The following CDKAL1 variants were observed in gnomAD, a reference collection of about 807,000 sequenced individuals.
CDKAL1 encodes the protein threonylcarbamoyladenosine tRNA methylthiotransferase.
CDKAL1 carries 32 observed loss-of-function variants against 68.2 expected under a neutral mutation model. The ratio of observed to expected loss-of-function variants is 0.47; its 90% CI spans 0.35 to 0.63. The LOEUF is 0.63. CDKAL1 is among the 30% of genes least tolerant of loss of function. The probability of loss-of-function intolerance (pLI) is 0.00; values close to 1 mark genes in which losing one functional copy is unlikely to be tolerated. For missense variants in CDKAL1, 606 were observed against 696.7 expected (o/e 0.87, Z 1.47); for synonymous variants, 234 against 244.3 (o/e 0.96, Z 0.39).
chr6:20,933,213 T>A (rs1344317115), intron 9 of CDKAL1, among the ~76,000 whole-genome samples: 2 of 152,232 alleles, frequency 1.3e-5, no homozygotes, highest in African/African-American at 4.8e-5. Flanking sequence ...CTTTCTGAAT[T>A]TAAGTATTTA....
chr6:21,156,686 G>T (rs1776663260), intron 13 of CDKAL1, among the ~76,000 whole-genome samples: 1 of 152,092 alleles, frequency 6.6e-6, no homozygotes, highest in South Asian at 2.1e-4. Context: ...AAGAACGATG[G>T]ATGTAAGGAA....
In CDKAL1 at chr6:21,034,795, AC is replaced by A. The variant is rs1002600024; in HGVS notation, c.1056-30252del. Among the ~76,000 whole-genome samples, 4 of 152,202 alleles carry A rather than the reference AC, an allele frequency of 2.6e-5. No homozygotes were observed. In the East Asian group the frequency reaches 7.7e-4, roughly 29 times the overall value. On this transcript the variant is annotated intron_variant, in intron 11 of 15. Coordinates refer to ENST00000274695, the MANE Select transcript of CDKAL1 (RefSeq NM_017774.3). Reference sequence around the variant, plus strand: ...TCAGCAAATTATTTTTGTTGCTGTTACATTTTTTAAAAATCTTGCTTTGACT... The same window carrying A: ...TCAGCAAATTATTTTTGTTGCTGTTAATTTTTTAAAAATCTTGCTTTGACT...
At chr6:20,680,415 T>G (rs1456551524) in intron 5 of CDKAL1, among the ~76,000 whole-genome samples, 1 of 152,228 alleles carries the variant, frequency 6.6e-6, no homozygotes, top group Non-Finnish European at 1.5e-5. Context: ...TTTATGTAGG[T>G]GTTTTTAAAC....
intron 9 of CDKAL1, among the ~76,000 whole-genome samples, chr6:20,890,397 AACACTGT>A (rs1761332078): frequency 6.6e-6 from 1 of 152,234 alleles, no homozygotes. Flanking sequence ...CCCGGATTGG[AACACTGT>A]ACACATTCAT....
intron 10 of CDKAL1, among the ~76,000 whole-genome samples, chr6:20,975,474 CATATGCTTCATGT>C (rs1415893371): frequency 2.6e-5 from 4 of 152,124 alleles, no homozygotes; most frequent in Non-Finnish European, 4.4e-5. Context: ...ATACATAGTA[CATATGCTTCATGT>C]ATATGCTTAT....
At chr6:21,217,023 C>T (rs920280662) in intron 15 of CDKAL1, among the ~76,000 whole-genome samples, 1 of 148,926 alleles carries the variant, frequency 6.7e-6, no homozygotes, top group Non-Finnish European at 1.5e-5. Context: ...GGATCCTCCA[C>T]ATTCTCACCC....
intron 13 of CDKAL1, among the ~76,000 whole-genome samples, chr6:21,175,363 A>C (rs1777537141): frequency 6.6e-6 from 1 of 152,158 alleles, no homozygotes; most frequent in Non-Finnish European, 1.5e-5. Context: ...TTAGAATTAC[A>C]AGTCTATTCA....
At position 20,660,883 on chromosome 6, in the gene CDKAL1, A is replaced by C. The variant is rs373706321; in HGVS notation, c.371+11506A>C. 1.6e-4 allele frequency among the ~76,000 whole-genome samples: 24 copies of C among 152,346 alleles called. No homozygotes were observed. The South Asian group carries it at 5.0e-3, about 32-fold the overall frequency. ...TTGTATAAGTAATATAATTGCATTAATATCAGAACACTTGTCTTACATTTG... is the reference window on the plus strand; with the variant it reads ...TTGTATAAGTAATATAATTGCATTACTATCAGAACACTTGTCTTACATTTG... On this transcript the variant is annotated intron_variant, in intron 5 of 15. Coordinates refer to ENST00000274695, the MANE Select transcript of CDKAL1 (RefSeq NM_017774.3).
At position 20,739,557 on chromosome 6, in the gene CDKAL1, G is replaced by C; in HGVS notation, c.410G>C (p.Gly137Ala). The change falls in exon 6 of 16, where the codon GGA becomes GCA. Residue 137 changes from glycine to alanine, a missense_variant. By Grantham distance (60) the Gly-to-Ala change is moderately conservative. Transcript: ENST00000274695. ...GAGAACAAGAAAATCGTACTGGCTG[G>C]ATGCGTTCCTCAAGCCCAGCCTCGC... ...QEENKKIVLA[G>A]CVPQAQPRQD... The C allele has an allele frequency of 6.2e-7, 1 of 1,613,446 alleles. No individual in the cohort carries two copies. The highest frequency in any genetic ancestry group is 8.5e-7 in the Non-Finnish European group (1 of 1,179,592).
chr6:20,634,119 A>G (rs537172141), intron 4 of CDKAL1, among the ~76,000 whole-genome samples: 73 of 152,300 alleles, frequency 4.8e-4, no homozygotes, highest in African/African-American at 1.7e-3. Flanking sequence ...CCAAACAACT[A>G]AGGGTTGTGT....
intron 8 of CDKAL1, among the ~76,000 whole-genome samples, chr6:20,789,653 C>G (rs535492209): frequency 3.3e-5 from 5 of 152,200 alleles, no homozygotes; most frequent in African/African-American, 1.2e-4. Flanking sequence ...CGATTTCTAA[C>G]AAAACTATTT....
intron 5 of CDKAL1, among the ~76,000 whole-genome samples, chr6:20,737,573 G>C (rs574904006): frequency 6.6e-6 from 1 of 152,056 alleles, no homozygotes; most frequent in African/African-American, 2.4e-5. Context: ...TGATGTTAAC[G>C]TCTTTGTATA....
intron 13 of CDKAL1, among the ~76,000 whole-genome samples, chr6:21,149,905 T>C (rs1776330804): frequency 6.6e-6 from 1 of 152,176 alleles, no homozygotes; most frequent in Admixed American, 6.5e-5. Flanking sequence ...GCACCCAGGC[T>C]GGAGTGCAGT....
chr6:20,808,321 T>C (rs1776656734), intron 8 of CDKAL1, among the ~76,000 whole-genome samples: 1 of 152,234 alleles, frequency 6.6e-6, no homozygotes, highest in Non-Finnish European at 1.5e-5. Context: ...GAAAAGCTTA[T>C]GGTAATTGTT....
intron 9 of CDKAL1, among the ~76,000 whole-genome samples, chr6:20,938,136 A>G (rs1167347633): frequency 6.6e-6 from 1 of 152,082 alleles, no homozygotes; most frequent in African/African-American, 2.4e-5. Flanking sequence ...ATTTTGTTCT[A>G]TACTTTAAAT....
chr6:20,941,171 T>C (rs1763958468), intron 9 of CDKAL1, among the ~76,000 whole-genome samples: 1 of 151,606 alleles, frequency 6.6e-6, no homozygotes, highest in South Asian at 2.1e-4. Context: ...TGGCTTGTGG[T>C]TTATTGGATA....
intron 5 of CDKAL1, among the ~76,000 whole-genome samples, chr6:20,718,539 G>C: frequency 6.6e-6 from 1 of 152,104 alleles, no homozygotes; most frequent in Non-Finnish European, 1.5e-5. Flanking sequence ...CAAACTGGGG[G>C]TGAAAGAAAA....
At chr6:21,080,552 C>T (rs1009288431) in intron 12 of CDKAL1, among the ~76,000 whole-genome samples, 1 of 152,182 alleles carries the variant, frequency 6.6e-6, no homozygotes, top group Non-Finnish European at 1.5e-5. Context: ...TGATTCCTCT[C>T]AGTCAGAATC....
intron 13 of CDKAL1, among the ~76,000 whole-genome samples, chr6:21,118,483 C>T (rs530299901): frequency 4.6e-5 from 7 of 152,204 alleles, no homozygotes; most frequent in African/African-American, 1.7e-4. Context: ...TGCACAAAAC[C>T]ATTTCCAGAT....
Sources: gnomAD v4.1 joint callset for allele counts (sites outside exome capture counted in the v4.1 genomes callset) on GRCh38, gnomAD v4.1.1 for gene constraint, MANE v1.5 for transcripts, NCBI Gene and HGNC (gene_info 2026-07-23, HGNC 2026-07-21) for gene names.